Variants in EYA4 observed in about 807,000 individuals in gnomAD.
EYA4 encodes EYA transcriptional coactivator and phosphatase 4.
EYA4 carries 31 observed loss-of-function variants against 87.9 expected under a neutral mutation model. The ratio of observed to expected loss-of-function variants is 0.35; its 90% CI spans 0.27 to 0.48. The LOEUF is 0.48. Ranked by LOEUF, EYA4 falls within the 20% of genes least tolerant of loss-of-function variation. The pLI is 0.99. For synonymous variants in EYA4, 263 were observed against 270.6 expected (o/e 0.97, Z 0.28); for missense variants, 678 against 761.4 (o/e 0.89, Z 1.29).
At chr6:133,434,288 C>T (rs549020502) in intron 3 of EYA4, among the ~76,000 whole-genome samples, 17 of 152,186 alleles carry the variant, frequency 1.1e-4, no homozygotes, top group Non-Finnish European at 1.5e-4. Flanking sequence ...AGGGAAGCCC[C>T]GGATAGAAAA....
intron 14 of EYA4, chr6:133,507,285 C>T (rs893472500): frequency 6.6e-6 from 1 of 152,102 alleles, no homozygotes; most frequent in South Asian, 2.1e-4. Context: ...AGCAGATTTG[C>T]GTGGCTCCAG....
intron 2 of EYA4, among the ~76,000 whole-genome samples, chr6:133,283,927 A>C (rs1777828756): frequency 6.6e-6 from 1 of 152,164 alleles, no homozygotes. Flanking sequence ...TTATAAGTGA[A>C]AATATGTGAT....
chr6:133,308,979 G>A (rs1780016777), intron 2 of EYA4, among the ~76,000 whole-genome samples: 1 of 151,824 alleles, frequency 6.6e-6, no homozygotes, highest in African/African-American at 2.4e-5. Context: ...TTGAATCAGA[G>A]AGGAAGCAAG....
chr6:133,474,947 T>C (rs982724751), intron 11 of EYA4, among the ~76,000 whole-genome samples: 4 of 152,126 alleles, frequency 2.6e-5, no homozygotes, highest in Non-Finnish European at 5.9e-5. Context: ...AGCTGGTTTT[T>C]CTGATTTAGA....
chr6:133,419,066 C>A (rs754071412), intron 3 of EYA4, among the ~76,000 whole-genome samples: 3 of 152,106 alleles, frequency 2.0e-5, no homozygotes, highest in African/African-American at 4.8e-5. Flanking sequence ...AGTAGAAAGT[C>A]AATATTCCTT....
At chr6:133,385,068 G>A (rs1228278029) in intron 3 of EYA4, among the ~76,000 whole-genome samples, 1 of 151,958 alleles carries the variant, frequency 6.6e-6, no homozygotes. Context: ...GGGAGGCCGA[G>A]GCGGGCAGAT....
At chr6:133,363,882 A>G (rs1229853865) in intron 2 of EYA4, among the ~76,000 whole-genome samples, 1 of 152,172 alleles carries the variant, frequency 6.6e-6, no homozygotes, top group African/African-American at 2.4e-5. Flanking sequence ...GGAAATGGCA[A>G]ATTTAGGAAT....
intron 2 of EYA4, among the ~76,000 whole-genome samples, chr6:133,293,980 TA>T (rs1778703059): frequency 4.0e-5 from 2 of 50,380 alleles, no homozygotes; most frequent in Non-Finnish European, 6.1e-5. Flanking sequence ...TACATATATA[TA>T]TTACATATAT....
chr6:133,441,759 C>T (rs1792318224), intron 3 of EYA4, among the ~76,000 whole-genome samples: 2 of 151,420 alleles, frequency 1.3e-5, no homozygotes, highest in South Asian at 4.2e-4. Context: ...CAGGGTGAAG[C>T]AGGTAATTGG....
At chr6:133,276,385 G>A (rs532206382) in intron 2 of EYA4, among the ~76,000 whole-genome samples, 1 of 152,250 alleles carries the variant, frequency 6.6e-6, no homozygotes, top group African/African-American at 2.4e-5. Context: ...AATTACTATA[G>A]GGTGTGTATA....
chr6:133,327,559 CA>C (rs1486856316), intron 2 of EYA4, among the ~76,000 whole-genome samples: 22 of 152,216 alleles, frequency 1.4e-4, no homozygotes, highest in African/African-American at 5.1e-4. Flanking sequence ...TTGAAATTAA[CA>C]AAATAAAACT....
intron 13 of EYA4, among the ~76,000 whole-genome samples, chr6:133,495,776 CAG>C (rs2128739286): frequency 6.6e-6 from 1 of 152,022 alleles, no homozygotes; most frequent in South Asian, 2.1e-4. Flanking sequence ...CGTTACAACC[CAG>C]AGTTTCTGAT....
chr6:133,265,751 T>C (rs997873755), intron 1 of EYA4, among the ~76,000 whole-genome samples: 3 of 152,222 alleles, frequency 2.0e-5, no homozygotes. Flanking sequence ...CAAAGTATTA[T>C]GTTGTAACAT....
intron 2 of EYA4, among the ~76,000 whole-genome samples, chr6:133,324,651 T>C (rs951067826): frequency 4.6e-5 from 7 of 152,098 alleles, no homozygotes; most frequent in Non-Finnish European, 8.8e-5. Flanking sequence ...AGTGGAAAGA[T>C]AGGAGACCAA....
chr6:133,531,753 G>A lies in EYA4; in HGVS notation c.*2948G>A, dbSNP rs932002876. ...GTAGGTAATAACTGTCTCTAAAAAT[G>A]TTTTCTCCTTAGTCCGCAATGAGCT... On this transcript the variant is annotated 3_prime_UTR_variant, in exon 20 of 20. Transcript: ENST00000355286. The A allele has an allele frequency of 2.6e-5, 4 of 152,548 alleles. No homozygotes were observed. Among genetic ancestry groups the A allele is most frequent in the Admixed American group, 2.0e-4 (3 of 15,336 alleles). 9.4% of individuals were successfully genotyped at this position (152,548 alleles called of 1,614,324 possible).
intron 2 of EYA4, among the ~76,000 whole-genome samples, chr6:133,308,888 A>T (rs1412576647): frequency 6.6e-6 from 1 of 152,262 alleles, no homozygotes; most frequent in Admixed American, 6.5e-5. Context: ...AAATACAACT[A>T]TGTAAAATAT....
intron 2 of EYA4, among the ~76,000 whole-genome samples, chr6:133,299,378 T>G (rs1779186755): frequency 6.6e-6 from 1 of 152,176 alleles, no homozygotes; most frequent in South Asian, 2.1e-4. Flanking sequence ...CTTTCTTATG[T>G]GCCGGAAACC....
intron 1 of EYA4, among the ~76,000 whole-genome samples, chr6:133,265,790 A>T (rs35047285): frequency 0.35 from 52,720 of 152,036 alleles, 9,519 homozygotes; most frequent in South Asian, 0.51. Flanking sequence ...ACTCCCCAAC[A>T]GTTCATGAAA....
chr6:133,301,266 A>C (rs1779384128), intron 2 of EYA4, among the ~76,000 whole-genome samples: 1 of 152,240 alleles, frequency 6.6e-6, no homozygotes, highest in African/African-American at 2.4e-5. Context: ...CTTAAGGAAA[A>C]CCTGATGAAT....
Sources: allele counts gnomAD v4.1 joint callset (sites outside exome capture counted in the v4.1 genomes callset), GRCh38; gene constraint gnomAD v4.1.1; transcripts MANE v1.5; gene names NCBI Gene and HGNC (gene_info 2026-07-23, HGNC 2026-07-21).